Variants in EFCAB13 observed in about 807,000 individuals in gnomAD.
The protein encoded by EFCAB13 is EF-hand calcium-binding domain-containing protein 13.
Under a neutral mutation model 110.2 loss-of-function variants are expected in EFCAB13, and 91 were observed. The observed-to-expected ratio is 0.83, with a 90% CI of 0.70 to 0.98. The LOEUF (loss-of-function observed/expected upper bound fraction) is 0.98, where lower values mean the gene tolerates loss of function less well. Among genes scored for constraint, EFCAB13 ranks in the 50% least tolerant of loss-of-function variants. The pLI is 0.00. For synonymous variants in EFCAB13, 323 were observed against 369.9 expected (o/e 0.87, Z 1.45); for missense variants, 968 against 1,119.4 (o/e 0.86, Z 1.93).
In EFCAB13 at chr17:47,345,042, A is replaced by G. The variant is rs531470904; in HGVS notation, c.461A>G (p.Tyr154Cys). 19 of 1,607,280 alleles carry G rather than the reference A, an allele frequency of 1.2e-5. No individual in the cohort carries two copies. The South Asian group carries it at 1.8e-4, about 15-fold the overall frequency. Residue 154 changes from tyrosine (Y) to cysteine (C), a missense_variant, in exon 8 of 25, where the codon TAC becomes TGC. Coordinates refer to ENST00000331493, the MANE Select transcript of EFCAB13 (RefSeq NM_152347.5). Reference protein sequence around the residue: ...TREKEMLSNLYMTLYDEVTHG... With the variant: ...TREKEMLSNLCMTLYDEVTHG... The stretch of plus-strand genomic sequence containing the variant: ...GAAAAGGAAATGCTGTCTAACCTCT[A>G]CATGACATTATATGATGAAGTAACC...
intron 23 of EFCAB13, among the ~76,000 whole-genome samples, chr17:47,415,564 A>G (rs1274628808): frequency 3.3e-5 from 5 of 152,160 alleles, no homozygotes; most frequent in Non-Finnish European, 5.9e-5. Flanking sequence ...AAAAAGATTA[A>G]TATGTGCAAG....
chr17:47,387,649 T>TTAG (rs1567795398), intron 14 of EFCAB13, among the ~76,000 whole-genome samples: 1 of 152,200 alleles, frequency 6.6e-6, no homozygotes, highest in Non-Finnish European at 1.5e-5. Context: ...TGCTGTCTTA[T>TTAG]TAAGGTCAGT....
In EFCAB13 at chr17:47,394,086, C is replaced by A. The variant is rs141602870; in HGVS notation, c.1788C>A (p.Phe596Leu). 1 of 1,526,634 alleles carries A rather than the reference C, an allele frequency of 6.6e-7. No homozygotes were observed. The highest frequency in any genetic ancestry group is 8.8e-7 in the Non-Finnish European group (1 of 1,139,572). 94.6% of individuals were successfully genotyped at this position (1,526,634 alleles called of 1,614,324 possible). A position where few individuals can be genotyped will look rare whatever the true frequency, so the allele number is the denominator to read the frequency against. Residue 596 changes from phenylalanine (F) to leucine (L), a missense_variant, in exon 16 of 25, where the codon TTC becomes TTA. Physicochemically the swap from Phe to Leu is conservative, Grantham distance 22 (BLOSUM62 0). Transcript: ENST00000331493. ...IDTMMSNTEC[F>L]SEKLVLPDAI... ...CTATGATGAGCAACACGGAATGCTT[C>A]TCTGAAAAATTAGGTACGTAAGAAT...
At chr17:47,333,838 T>C (rs1216499471) in intron 4 of EFCAB13, among the ~76,000 whole-genome samples, 2 of 152,232 alleles carry the variant, frequency 1.3e-5, no homozygotes, top group African/African-American at 2.4e-5. Context: ...TTGATTACTA[T>C]AGCTTTATCA....
chr17:47,344,536 A>G (rs555895012), intron 7 of EFCAB13, among the ~76,000 whole-genome samples: 4 of 152,272 alleles, frequency 2.6e-5, no homozygotes, highest in African/African-American at 4.8e-5. Flanking sequence ...CCACATCTGT[A>G]TAAGGATCTT....
chr17:47,396,807 G>A (rs1339719762), intron 17 of EFCAB13, among the ~76,000 whole-genome samples: 1 of 151,972 alleles, frequency 6.6e-6, no homozygotes, highest in East Asian at 1.9e-4. Flanking sequence ...GAAGATTTGA[G>A]GTGAAAAGGG....
At chr17:47,354,907 T>G (rs1313150206) in intron 9 of EFCAB13, among the ~76,000 whole-genome samples, 3 of 152,340 alleles carry the variant, frequency 2.0e-5, no homozygotes, top group African/African-American at 7.2e-5. Flanking sequence ...ATTCTATTCA[T>G]TGTGCTATTT....
At chr17:47,331,764 A>AT (rs1290896397) in intron 4 of EFCAB13, among the ~76,000 whole-genome samples, 2 of 151,948 alleles carry the variant, frequency 1.3e-5, no homozygotes, top group Non-Finnish European at 2.9e-5. Flanking sequence ...GCAAACACTG[A>AT]TTTTTTACTG....
At chr17:47,328,010 T>C in intron 3 of EFCAB13, 2 of 438,934 alleles carry the variant, frequency 4.6e-6, no homozygotes, top group African/African-American at 2.0e-5. Context: ...ACAGATGTAA[T>C]TGGATTTCTC....
intron 4 of EFCAB13, among the ~76,000 whole-genome samples, chr17:47,333,611 A>G (rs967312099): frequency 1.3e-5 from 2 of 152,162 alleles, no homozygotes; most frequent in African/African-American, 4.8e-5. Flanking sequence ...ATTTTTGTAT[A>G]TGGTGTGAGA....
intron 12 of EFCAB13, among the ~76,000 whole-genome samples, chr17:47,376,175 T>C (rs2065614353): frequency 6.6e-6 from 1 of 152,218 alleles, no homozygotes; most frequent in Admixed American, 6.5e-5. Flanking sequence ...GATTCATACA[T>C]TAGTGCATAA....
intron 2 of EFCAB13, among the ~76,000 whole-genome samples, chr17:47,325,021 C>CCCG: frequency 3.0e-5 from 1 of 33,006 alleles, no homozygotes; most frequent in Non-Finnish European, 7.3e-5. Context: ...AACCGCCCAC[C>CCCG]CCACCCCCCT....
At chr17:47,398,030 TG>T (rs1344315292) in intron 17 of EFCAB13, among the ~76,000 whole-genome samples, 1 of 102,498 alleles carries the variant, frequency 9.8e-6, no homozygotes, top group Non-Finnish European at 2.0e-5. Context: ...GATCAGCCCC[TG>T]CCCGGCCAGC....
At position 47,336,132 on chromosome 17, in the gene EFCAB13, T is replaced by G. The variant is rs1002964790; in HGVS notation, c.191+776T>G. 3.3e-5 allele frequency among the ~76,000 whole-genome samples: 5 copies of G among 151,518 alleles called. No homozygotes were observed. In the East Asian group the frequency reaches 7.8e-4, roughly 24 times the overall value. On this transcript the variant is annotated intron_variant, in intron 5 of 24. Coordinates refer to ENST00000331493, the MANE Select transcript of EFCAB13 (RefSeq NM_152347.5). ...ATGAAATTAAGATATTTGAATAGTTTTTTTTTTTTTTTGAGATGGAGCCTC... is the reference window on the plus strand; with the variant it reads ...ATGAAATTAAGATATTTGAATAGTTGTTTTTTTTTTTTGAGATGGAGCCTC...
intron 2 of EFCAB13, among the ~76,000 whole-genome samples, chr17:47,326,011 A>G (rs2065284146): frequency 6.9e-6 from 1 of 144,988 alleles, no homozygotes; most frequent in South Asian, 2.3e-4. Context: ...CTAGGAGAGA[A>G]CCTAGTGCAC....
At chr17:47,327,759 C>T (rs1007442624) in intron 3 of EFCAB13, among the ~76,000 whole-genome samples, 1 of 152,160 alleles carries the variant, frequency 6.6e-6, no homozygotes, top group Non-Finnish European at 1.5e-5. Flanking sequence ...CCGGCCTACA[C>T]CATCTTTTGT....
At chr17:47,328,027 G>A (rs1293557506) in intron 3 of EFCAB13, 3 of 463,946 alleles carry the variant, frequency 6.5e-6, no homozygotes, top group African/African-American at 2.0e-5. Context: ...TCTCAGCTTT[G>A]TATGCCATTT....
chr17:47,393,941 A>G (rs552448613), intron 15 of EFCAB13, 84 bp from the exon 16 acceptor site: 168 of 665,968 alleles, frequency 2.5e-4, no homozygotes, highest in Non-Finnish European at 3.9e-4. Context: ...ATATTTCTGA[A>G]TATATAACGT....
chr17:47,420,969 G>A (rs1263008694), intron 23 of EFCAB13, among the ~76,000 whole-genome samples: 5 of 144,460 alleles, frequency 3.5e-5, no homozygotes, highest in African/African-American at 7.8e-5. Flanking sequence ...CCAGCCAGCC[G>A]CCCCGTCCGG....
Sources: gnomAD v4.1 joint callset for allele counts (sites outside exome capture counted in the v4.1 genomes callset) on GRCh38, gnomAD v4.1.1 for gene constraint, MANE v1.5 for transcripts, NCBI Gene and HGNC (gene_info 2026-07-23, HGNC 2026-07-21) for gene names.